CNPY1: variants seen among roughly 807,000 people sequenced by gnomAD.
The protein encoded by CNPY1 is canopy FGF signaling regulator 1.
CNPY1 carries 14 observed loss-of-function variants against 14.4 expected under a neutral mutation model. That is an observed-to-expected ratio of 0.97 (90% CI 0.64 to 1.52). The LOEUF (loss-of-function observed/expected upper bound fraction) is 1.52, where lower values mean the gene tolerates loss of function less well. CNPY1 is among the 40% of genes most tolerant of loss of function. CNPY1 has a pLI of 0.00. For synonymous variants in CNPY1, 43 were observed against 46.5 expected (o/e 0.92, Z 0.31); for missense variants, 129 against 131.5 (o/e 0.98, Z 0.09).
In CNPY1 at chr7:155,536,396, G is replaced by A. The variant is rs188889710; in HGVS notation, c.99+9435C>T. On this transcript the variant is annotated intron_variant, in intron 2 of 4. Coordinates refer to ENST00000636446, the MANE Select transcript of CNPY1 (RefSeq NM_001393663.1). The surrounding 1 kb of genome is among the most constrained non-coding windows in gnomAD (Gnocchi z 4.1). ...TCTCAGGTCACCAAATGCATCCAGG[G>A]CCATACTGAGGTGCCTTTCTTTGTC... Among the ~76,000 whole-genome samples, 1 of 152,208 alleles carries A rather than the reference G, an allele frequency of 6.6e-6. No individual in the cohort carries two copies. The highest frequency in any genetic ancestry group is 6.5e-5 in the Admixed American group (1 of 15,292).
rs1055811404 is a variant in CNPY1 at position 155,536,434 on chromosome 7, G to T, written c.99+9397C>A. Among the ~76,000 whole-genome samples, 1 of 152,092 alleles carries T rather than the reference G, an allele frequency of 6.6e-6. No homozygotes were observed. Among genetic ancestry groups the T allele is most frequent in the African/African-American group, 2.4e-5 (1 of 41,394 alleles). ...GCCTTTCTTTGTCCCATGCTACCAG[G>T]CTTCTCTCCAGTGACCAGTGACCTG... On this transcript the variant is annotated intron_variant, in intron 2 of 4. Transcript: ENST00000636446. The surrounding 1 kb of genome is among the most constrained non-coding windows in gnomAD (Gnocchi z 4.1).
chr7:155,530,466 A>G (rs1796918899), intron 2 of CNPY1, among the ~76,000 whole-genome samples: 1 of 152,002 alleles, frequency 6.6e-6, no homozygotes, highest in Non-Finnish European at 1.5e-5. Flanking sequence ...AGCTAGGACT[A>G]CAGATGTGTA....
At position 155,523,923 on chromosome 7, in the gene CNPY1, G is replaced by A. The variant is rs117254965; in HGVS notation, c.100-14826C>T. 2.8e-3 allele frequency among the ~76,000 whole-genome samples: 424 copies of A among 152,308 alleles called. 2 individuals carry two copies. The highest frequency in any genetic ancestry group is 4.2e-3 in the Non-Finnish European group (288 of 68,028). ...GGGGGAGAAAGGCTGTGGCACTACAGAGGCAGAGGCTGGGGTGATAGATCT... is the reference window on the plus strand; with the variant it reads ...GGGGGAGAAAGGCTGTGGCACTACAAAGGCAGAGGCTGGGGTGATAGATCT... On this transcript the variant is annotated intron_variant, in intron 2 of 4. Transcript: ENST00000636446.
chr7:155,533,036 C>G (rs776653601), intron 2 of CNPY1, among the ~76,000 whole-genome samples: 1 of 152,328 alleles, frequency 6.6e-6, no homozygotes, highest in South Asian at 2.1e-4. Context: ...CAAATCGATA[C>G]CCACTCAACG....
chr7:155,533,059 G>A (rs1796967915), intron 2 of CNPY1, among the ~76,000 whole-genome samples: 1 of 152,184 alleles, frequency 6.6e-6, no homozygotes, highest in East Asian at 1.9e-4. Flanking sequence ...CTTCTAACAG[G>A]TGCAAGCTCT....
intron 2 of CNPY1, among the ~76,000 whole-genome samples, chr7:155,527,308 G>A (rs999767127): frequency 1.2e-4 from 18 of 151,884 alleles, no homozygotes; most frequent in Non-Finnish European, 2.1e-4. Context: ...GTGTCTGAGC[G>A]ACTGCAGTGC....
intron 2 of CNPY1, among the ~76,000 whole-genome samples, chr7:155,520,673 C>T (rs1796704342): frequency 6.6e-6 from 1 of 151,898 alleles, no homozygotes; most frequent in African/African-American, 2.4e-5. Context: ...TAATTTTGTT[C>T]CATTTGAACA....
intron 2 of CNPY1, among the ~76,000 whole-genome samples, chr7:155,519,935 A>G (rs889314294): frequency 6.6e-6 from 1 of 152,326 alleles, no homozygotes; most frequent in Admixed American, 6.5e-5. Context: ...CTCCTCTCAT[A>G]GTTCCTTGAC....
rs56097823 is a variant in CNPY1 at position 155,546,524 on chromosome 7, CAG to C, written c.-112_-111del. The C allele has an allele frequency of 0.51, 203,473 of 395,776 alleles. 52,712 individuals are homozygous for C. Among genetic ancestry groups the C allele is most frequent in the Middle Eastern group, 0.64 (1,009 of 1,586 alleles). The allele number at this position is 395,776 out of a possible 1,614,324, so 24.5% of individuals were successfully genotyped here. A position where few individuals can be genotyped will look rare whatever the true frequency, so the allele number is the denominator to read the frequency against. The stretch of plus-strand genomic sequence containing the variant: ...TTATTCATTTATTTATTTTTTGAGA[CAG>C]AGTCTTGCTCTGTCACCCAGGCTGG... On this transcript the variant is annotated 5_prime_UTR_variant, in exon 1 of 5. Coordinates refer to ENST00000636446, the MANE Select transcript of CNPY1 (RefSeq NM_001393663.1).
intron 2 of CNPY1, among the ~76,000 whole-genome samples, chr7:155,521,597 C>T (rs955220524): frequency 6.6e-6 from 1 of 152,186 alleles, no homozygotes; most frequent in Admixed American, 6.5e-5. Flanking sequence ...TGGGCCGCCG[C>T]CTTGTTTATG....
Position 155,502,121 on chromosome 7 carries a change from A to G in CNPY1, c.*947T>C, listed in dbSNP as rs977197513. On this transcript the variant is annotated 3_prime_UTR_variant, in exon 5 of 5. Transcript: ENST00000636446. ...TTTTTAATCATTAAAGTCAGATTCCATTGAATGCAAATGTAACAGAGATAA... is the reference window on the plus strand; with the variant it reads ...TTTTTAATCATTAAAGTCAGATTCCGTTGAATGCAAATGTAACAGAGATAA... 3 of 152,182 alleles carry G rather than the reference A, an allele frequency of 2.0e-5. No homozygotes were observed. In the East Asian group the frequency reaches 5.8e-4, roughly 29 times the overall value. The allele number at this position is 152,182 out of a possible 1,614,324, so 9.4% of individuals were successfully genotyped here.
At chr7:155,517,978 C>T (rs1336899401) in intron 2 of CNPY1, among the ~76,000 whole-genome samples, 2 of 152,190 alleles carry the variant, frequency 1.3e-5, no homozygotes, top group Admixed American at 1.3e-4. Flanking sequence ...GATTTCTGTC[C>T]TCTCCCTTCA....
At chr7:155,530,543 G>A (rs1796920134) in intron 2 of CNPY1, among the ~76,000 whole-genome samples, 1 of 151,988 alleles carries the variant, frequency 6.6e-6, no homozygotes, top group South Asian at 2.1e-4. Context: ...TGTTGCCCAG[G>A]GGTCTTGAAC....
intron 2 of CNPY1, among the ~76,000 whole-genome samples, chr7:155,538,042 G>C (rs549926408): frequency 6.6e-6 from 1 of 152,316 alleles, no homozygotes; most frequent in African/African-American, 2.4e-5. Flanking sequence ...ACGTAAGAGG[G>C]CATCTGTATG....
At chr7:155,504,926 A>C (rs191252187) in intron 4 of CNPY1, among the ~76,000 whole-genome samples, 1 of 152,208 alleles carries the variant, frequency 6.6e-6, no homozygotes, top group Non-Finnish European at 1.5e-5. Context: ...CTCACCCTTC[A>C]GTTGTCTGAA....
intron 2 of CNPY1, among the ~76,000 whole-genome samples, chr7:155,532,643 A>G (rs981599331): frequency 2.6e-5 from 4 of 152,192 alleles, no homozygotes; most frequent in African/African-American, 9.7e-5. Context: ...AGGACCCCAG[A>G]TGATCCACTG....
At chr7:155,505,968 A>G in intron 4 of CNPY1, among the ~76,000 whole-genome samples, 1 of 152,254 alleles carries the variant, frequency 6.6e-6, no homozygotes, top group East Asian at 1.9e-4. Flanking sequence ...TAAGCAAAAA[A>G]GACAAAAACA....
chr7:155,529,908 G>A lies in CNPY1; in HGVS notation c.99+15923C>T, dbSNP rs190367874. Among the ~76,000 whole-genome samples the A allele has an allele frequency of 4.6e-3, 705 of 151,806 alleles. 6 individuals are homozygous for A. The highest frequency in any genetic ancestry group is 7.4e-3 in the Non-Finnish European group (506 of 67,948). On this transcript the variant is annotated intron_variant, in intron 2 of 4. Transcript: ENST00000636446. ...AGCGATTCTCATGCCTCAGCCTCCCGAGTAACTGGGATTACGGGCGCCTGC... is the reference window on the plus strand; with the variant it reads ...AGCGATTCTCATGCCTCAGCCTCCCAAGTAACTGGGATTACGGGCGCCTGC...
chr7:155,527,054 C>CTTTCTTTCTTTCTTTTTTTTT (rs56296833), intron 2 of CNPY1, among the ~76,000 whole-genome samples: 2 of 90,344 alleles, frequency 2.2e-5, no homozygotes, highest in African/African-American at 5.1e-5. Context: ...TTCTTTCTTT[C>CTTTCTTTCTTTCTTTTTTTTT]TTTTTTTTTT....
Sources: allele counts gnomAD v4.1 joint callset (sites outside exome capture counted in the v4.1 genomes callset), GRCh38; gene constraint gnomAD v4.1.1; non-coding constraint Gnocchi (gnomAD v3.1); transcripts MANE v1.5; gene names NCBI Gene and HGNC (gene_info 2026-07-23, HGNC 2026-07-21).